The following ZNF804A variants were observed in gnomAD, a reference collection of about 807,000 sequenced individuals.
The protein encoded by ZNF804A is zinc finger protein 804A.
In ZNF804A, 2 loss-of-function variants were observed where a neutral mutation model predicts 16.5. The ratio of observed to expected loss-of-function variants is 0.12; its 90% CI spans 0.05 to 0.38. The LOEUF is 0.38. Among genes scored for constraint, ZNF804A ranks in the 10% least tolerant of loss-of-function variants. The pLI, the probability that ZNF804A is intolerant of heterozygous loss-of-function variation, is 0.99. For synonymous variants in ZNF804A, 534 were observed against 489.6 expected (o/e 1.09, Z -1.20); for missense variants, 1,473 against 1,390.7 (o/e 1.06, Z -0.94).
intron 2 of ZNF804A, among the ~76,000 whole-genome samples, chr2:184,877,206 C>T (rs951621349): frequency 4.6e-5 from 7 of 152,004 alleles, no homozygotes; most frequent in African/African-American, 1.7e-4. Flanking sequence ...AATGACCATC[C>T]TTTAACAAAT....
intron 1 of ZNF804A, among the ~76,000 whole-genome samples, chr2:184,602,357 G>A (rs1461842355): frequency 6.6e-6 from 1 of 151,872 alleles, no homozygotes; most frequent in Non-Finnish European, 1.5e-5. Context: ...CATAGAACAA[G>A]AAATAAGTGA....
intron 1 of ZNF804A, among the ~76,000 whole-genome samples, chr2:184,799,305 T>G (rs1373781155): frequency 3.3e-5 from 5 of 151,972 alleles, no homozygotes; most frequent in Non-Finnish European, 7.4e-5. Flanking sequence ...ATGCACCGAT[T>G]GATTTTTTTT....
At chr2:184,607,312 T>A (rs945267781) in intron 1 of ZNF804A, among the ~76,000 whole-genome samples, 1 of 152,182 alleles carries the variant, frequency 6.6e-6, no homozygotes, top group African/African-American at 2.4e-5. Context: ...TAATTGAGAC[T>A]AGGTAATTAT....
rs564275567 is a variant in ZNF804A at position 184,702,513 on chromosome 2, C to G, written c.111+103443C>G. Among the ~76,000 whole-genome samples the G allele has an allele frequency of 2.0e-5, 3 of 152,182 alleles. No individual in the cohort carries two copies. The South Asian group carries it at 6.2e-4, about 32-fold the overall frequency. Reference sequence around the variant, plus strand: ...CTAATCCTGACTCCTGATTTCTTCTCTATTCCTAACTCCCTTCTTTACTTC... The same window carrying G: ...CTAATCCTGACTCCTGATTTCTTCTGTATTCCTAACTCCCTTCTTTACTTC... On this transcript the variant is annotated intron_variant, in intron 1 of 3. Coordinates refer to ENST00000302277, the MANE Select transcript of ZNF804A (RefSeq NM_194250.2).
chr2:184,770,076 A>G (rs1694188490), intron 1 of ZNF804A, among the ~76,000 whole-genome samples: 1 of 152,068 alleles, frequency 6.6e-6, no homozygotes, highest in African/African-American at 2.4e-5. Context: ...ATCAACCTAC[A>G]TTCTACCATC....
At chr2:184,804,049 A>G (rs577490985) in intron 1 of ZNF804A, among the ~76,000 whole-genome samples, 1 of 152,176 alleles carries the variant, frequency 6.6e-6, no homozygotes, top group East Asian at 1.9e-4. Context: ...TATTTTTAGT[A>G]GAGACGGAGT....
chr2:184,790,686 C>G (rs565550339), intron 1 of ZNF804A, among the ~76,000 whole-genome samples: 1 of 152,070 alleles, frequency 6.6e-6, no homozygotes, highest in South Asian at 2.1e-4. Context: ...TCACTGCAAG[C>G]TCCCCCTCCT....
At chr2:184,612,782 A>G (rs1378682169) in intron 1 of ZNF804A, among the ~76,000 whole-genome samples, 1 of 152,212 alleles carries the variant, frequency 6.6e-6, no homozygotes, top group Non-Finnish European at 1.5e-5. Flanking sequence ...GCTTTTTCAC[A>G]GGTAGACTGA....
chr2:184,676,573 CACT>C (rs1367369785), intron 1 of ZNF804A, among the ~76,000 whole-genome samples: 1 of 151,176 alleles, frequency 6.6e-6, no homozygotes, highest in Non-Finnish European at 1.5e-5. Flanking sequence ...TAATAATTTC[CACT>C]ACAATATCAT....
intron 1 of ZNF804A, among the ~76,000 whole-genome samples, chr2:184,819,750 C>T (rs751070118): frequency 8.3e-4 from 126 of 152,022 alleles, no homozygotes; most frequent in East Asian, 2.1e-3. Context: ...CCACTGACCC[C>T]GCAGAAATAA....
rs771615651 is a variant in ZNF804A at position 184,939,038 on chromosome 2, A to G, written c.*12A>G. On this transcript the variant is annotated 3_prime_UTR_variant, in exon 4 of 4. Coordinates refer to ENST00000302277, the MANE Select transcript of ZNF804A (RefSeq NM_194250.2). ...AACCTCTCTTCTAGTCATCACCATA[A>G]TGGGAAAAAAATACTCTTGTGAAAA... 3.7e-6 allele frequency: 6 copies of G among 1,608,122 alleles called. No homozygotes were observed. In the South Asian group the frequency reaches 6.6e-5, roughly 18 times the overall value.
At chr2:184,871,762 A>C (rs2105813638) in intron 2 of ZNF804A, among the ~76,000 whole-genome samples, 1 of 152,170 alleles carries the variant, frequency 6.6e-6, no homozygotes, top group African/African-American at 2.4e-5. Flanking sequence ...AGAAAATAAA[A>C]GATTAGTTGA....
intron 1 of ZNF804A, among the ~76,000 whole-genome samples, chr2:184,695,325 G>A (rs62176215): frequency 0.041 from 6,281 of 151,770 alleles, 214 homozygotes; most frequent in Non-Finnish European, 0.058. Context: ...GCCGGGTGAG[G>A]TGGCATGTGC....
intron 1 of ZNF804A, among the ~76,000 whole-genome samples, chr2:184,599,857 C>T (rs1047194945): frequency 3.9e-5 from 6 of 152,236 alleles, no homozygotes; most frequent in Admixed American, 3.3e-4. Flanking sequence ...GATGATTGCT[C>T]CTACTTCTCA....
At position 184,628,915 on chromosome 2, in the gene ZNF804A, TA is replaced by T. The variant is rs1327924731; in HGVS notation, c.111+29846del. On this transcript the variant is annotated intron_variant, in intron 1 of 3. Coordinates refer to ENST00000302277, the MANE Select transcript of ZNF804A (RefSeq NM_194250.2). The stretch of plus-strand genomic sequence containing the variant: ...TTCACATACCAAATAATACATTTTT[TA>T]CACACTTATATTTTTTGCTTAATTA... Among the ~76,000 whole-genome samples the T allele has an allele frequency of 1.2e-4, 18 of 152,320 alleles. No individual in the cohort carries two copies. The South Asian group carries it at 3.7e-3, about 32-fold the overall frequency.
chr2:184,744,319 C>T (rs990029362), intron 1 of ZNF804A, among the ~76,000 whole-genome samples: 1 of 151,850 alleles, frequency 6.6e-6, no homozygotes, highest in Non-Finnish European at 1.5e-5. Context: ...ATAGAATGTA[C>T]TATGGTCTGA....
intron 1 of ZNF804A, among the ~76,000 whole-genome samples, chr2:184,688,835 A>G (rs1173740818): frequency 2.0e-5 from 3 of 152,156 alleles, no homozygotes; most frequent in East Asian, 1.9e-4. Flanking sequence ...AGATATGCTA[A>G]ATATCTGACT....
At chr2:184,799,447 T>C (rs1211294431) in intron 1 of ZNF804A, among the ~76,000 whole-genome samples, 1 of 152,202 alleles carries the variant, frequency 6.6e-6, no homozygotes, top group Non-Finnish European at 1.5e-5. Context: ...GCTACAGTTT[T>C]CCTTCCTTAT....
At chr2:184,605,250 G>T (rs1247145940) in intron 1 of ZNF804A, among the ~76,000 whole-genome samples, 1 of 152,034 alleles carries the variant, frequency 6.6e-6, no homozygotes, top group African/African-American at 2.4e-5. Context: ...ATAATCTATG[G>T]TGTACTGCAA....
Sources: allele counts gnomAD v4.1 joint callset (sites outside exome capture counted in the v4.1 genomes callset), GRCh38; gene constraint gnomAD v4.1.1; transcripts MANE v1.5; gene names NCBI Gene and HGNC (gene_info 2026-07-23, HGNC 2026-07-21).